The following CRTAC1 variants were observed in gnomAD, a reference collection of about 807,000 sequenced individuals.
CRTAC1 encodes acidic secreted protein in cartilage.
In CRTAC1, 37 loss-of-function variants were observed where a neutral mutation model predicts 67.8. That is an observed-to-expected ratio of 0.55 (90% CI 0.42 to 0.72). CRTAC1 has a LOEUF of 0.72. Ranked by LOEUF, CRTAC1 falls within the 30% of genes least tolerant of loss-of-function variation. The pLI is 0.00. For synonymous variants in CRTAC1, 348 were observed against 371.0 expected (o/e 0.94, Z 0.71); for missense variants, 780 against 931.6 (o/e 0.84, Z 2.12).
chr10:97,885,688 C>T (rs1429239210), intron 11 of CRTAC1, among the ~76,000 whole-genome samples: 1 of 152,084 alleles, frequency 6.6e-6, no homozygotes, highest in East Asian at 2.0e-4. Flanking sequence ...GGAGAGGCTG[C>T]TCTCAGGTCA....
intron 4 of CRTAC1, among the ~76,000 whole-genome samples, chr10:97,922,079 G>T (rs1321351250): frequency 6.6e-6 from 1 of 152,066 alleles, no homozygotes; most frequent in Non-Finnish European, 1.5e-5. Flanking sequence ...GTCCTGAACG[G>T]GTGAGATGGG....
intron 11 of CRTAC1, among the ~76,000 whole-genome samples, chr10:97,890,744 C>T (rs555008875): frequency 4.4e-4 from 67 of 151,784 alleles, no homozygotes; most frequent in Middle Eastern, 3.4e-3. Flanking sequence ...CTTGCCTCAC[C>T]GTAACCTCTG....
intron 8 of CRTAC1, 70 bp downstream of exon 8, chr10:97,901,433 C>T (rs373795257): frequency 6.3e-6 from 10 of 1,599,714 alleles, no homozygotes; most frequent in Middle Eastern, 1.7e-4. Flanking sequence ...GATTCTTAAA[C>T]CTTCTCCCTG....
At chr10:97,888,799 C>T (rs1435009171) in intron 11 of CRTAC1, among the ~76,000 whole-genome samples, 1 of 152,092 alleles carries the variant, frequency 6.6e-6, no homozygotes, top group Non-Finnish European at 1.5e-5. Flanking sequence ...AGAAGAGCGC[C>T]CCCCATTAAC....
intron 9 of CRTAC1, among the ~76,000 whole-genome samples, chr10:97,896,670 AC>A (rs1476260644): frequency 1.3e-5 from 2 of 150,974 alleles, no homozygotes; most frequent in African/African-American, 4.9e-5. Context: ...CCATTCCCCC[AC>A]CCCCCATCAG....
chr10:97,995,779 T>G (rs1842552383), intron 2 of CRTAC1, among the ~76,000 whole-genome samples: 1 of 152,170 alleles, frequency 6.6e-6, no homozygotes. Context: ...AACCCTACAT[T>G]AAGCCGGGAC....
intron 2 of CRTAC1, among the ~76,000 whole-genome samples, chr10:97,961,515 A>G (rs2136642568): frequency 6.6e-6 from 1 of 152,356 alleles, no homozygotes; most frequent in South Asian, 2.1e-4. Context: ...AACACAAATT[A>G]CGAGTCTGGA....
At chr10:98,022,098 G>A (rs1843135166) in intron 1 of CRTAC1, among the ~76,000 whole-genome samples, 1 of 152,154 alleles carries the variant, frequency 6.6e-6, no homozygotes, top group African/African-American at 2.4e-5. Context: ...GCTCACACCT[G>A]TAATCCCAGC....
chr10:97,950,243 A>AGAGAGAGG (rs1440558248), intron 2 of CRTAC1, among the ~76,000 whole-genome samples: 10 of 102,938 alleles, frequency 9.7e-5, no homozygotes, highest in African/African-American at 4.3e-4. Context: ...GCACACACAC[A>AGAGAGAGG]CACAGAGAGA....
intron 14 of CRTAC1, among the ~76,000 whole-genome samples, chr10:97,878,923 C>A (rs971181083): frequency 6.6e-6 from 1 of 152,136 alleles, no homozygotes; most frequent in Non-Finnish European, 1.5e-5. Flanking sequence ...AACCCTGGTC[C>A]CCCAAATGTG....
intron 14 of CRTAC1, chr10:97,871,087 C>T (rs557251837): frequency 1.5e-4 from 23 of 152,314 alleles, no homozygotes; most frequent in Admixed American, 5.9e-4. Flanking sequence ...CGGAGGTTTC[C>T]GCATGAGCCT....
rs576213369 is a variant in CRTAC1 at position 98,002,042 on chromosome 10, T to A, written c.224+9096A>T. ...GGTGCAAGGCCAGGGAGGGTCAGCC[T>A]CAGCTCTCTCCTGCCCTAGGCCTGG... On this transcript the variant is annotated intron_variant, in intron 2 of 14. Coordinates refer to ENST00000370597, the MANE Select transcript of CRTAC1 (RefSeq NM_018058.7). Among the ~76,000 whole-genome samples the A allele has an allele frequency of 3.5e-4, 53 of 152,306 alleles. No homozygotes were observed. In the South Asian group the frequency reaches 0.011, roughly 31 times the overall value.
At chr10:97,879,050 A>T (rs1476452167) in intron 14 of CRTAC1, among the ~76,000 whole-genome samples, 6 of 152,200 alleles carry the variant, frequency 3.9e-5, no homozygotes. Flanking sequence ...TCAGCATTCC[A>T]ATCAGTTCTA....
intron 2 of CRTAC1, among the ~76,000 whole-genome samples, chr10:98,004,413 A>G (rs1360488369): frequency 6.6e-6 from 1 of 152,226 alleles, no homozygotes; most frequent in Admixed American, 6.5e-5. Context: ...CTGTACACAC[A>G]GTAGGTGCTT....
chr10:97,869,873 A>G (rs2050072401), intron 14 of CRTAC1: 2 of 152,290 alleles, frequency 1.3e-5, no homozygotes, highest in South Asian at 2.1e-4. Context: ...AGGACTCACA[A>G]TGAGGGGGGC....
At chr10:98,022,660 A>C (rs1219082940) in intron 1 of CRTAC1, among the ~76,000 whole-genome samples, 2 of 152,116 alleles carry the variant, frequency 1.3e-5, no homozygotes, top group Non-Finnish European at 2.9e-5. Flanking sequence ...ATGGAGACAC[A>C]GTCTTATGTG....
chr10:97,870,898 G>A (rs557677187), intron 14 of CRTAC1: 2 of 152,266 alleles, frequency 1.3e-5, no homozygotes, highest in Admixed American at 6.5e-5. Context: ...ATTATGTGCC[G>A]TTATCTGAGG....
At chr10:97,981,447 G>T (rs1590260804) in intron 2 of CRTAC1, among the ~76,000 whole-genome samples, 1 of 151,998 alleles carries the variant, frequency 6.6e-6, no homozygotes. Context: ...ATTTCTCCAT[G>T]TCCTTAAATA....
chr10:97,876,893 T>G (rs913218350), intron 14 of CRTAC1, among the ~76,000 whole-genome samples: 2 of 146,154 alleles, frequency 1.4e-5, no homozygotes, highest in African/African-American at 5.0e-5. Flanking sequence ...ATGCATTGAA[T>G]TTGAGGCACC....
Sources: allele counts gnomAD v4.1 joint callset (sites outside exome capture counted in the v4.1 genomes callset), GRCh38; gene constraint gnomAD v4.1.1; transcripts MANE v1.5; gene names NCBI Gene and HGNC (gene_info 2026-07-23, HGNC 2026-07-21).